The following WTIP variants were observed in gnomAD, a reference collection of about 807,000 sequenced individuals.
WTIP encodes the protein Wilms tumor protein 1-interacting protein.
WTIP carries 23 observed loss-of-function variants against 41.7 expected under a neutral mutation model. The observed-to-expected ratio is 0.55, with a 90% confidence interval of 0.40 to 0.78. The LOEUF is 0.78. WTIP is among the 30% of genes least tolerant of loss of function. The pLI is 0.00. For synonymous variants in WTIP, 314 were observed against 269.9 expected, an observed-to-expected ratio of 1.16 and a Z score of -1.60; for missense variants, 619 against 610.5, an observed-to-expected ratio of 1.01 and a Z score of -0.15.
chr19:34,498,017 A>C (rs1426223826), intron 7 of WTIP, among the ~76,000 whole-genome samples: 1 of 151,684 alleles, frequency 6.6e-6, no homozygotes, highest in East Asian at 1.9e-4. Flanking sequence ...GGGACCCCGC[A>C]CTCCTCCCTG....
chr19:34,495,922 T>C (rs959706575), intron 7 of WTIP, among the ~76,000 whole-genome samples, 151 bp downstream of exon 7: 1 of 152,078 alleles, frequency 6.6e-6, no homozygotes, highest in Non-Finnish European at 1.5e-5. Context: ...TTTGGGAGGC[T>C]GAGGAGGGTG....
rs2075771057 is a variant in WTIP at position 34,482,243 on chromosome 19, G to C, written c.269G>C (p.Arg90Pro). The C allele has an allele frequency of 1.6e-6, 2 of 1,224,190 alleles. No homozygotes were observed. 75.8% of individuals were successfully genotyped at this position (1,224,190 alleles called of 1,614,324 possible). A position where few individuals can be genotyped will look rare whatever the true frequency, so the allele number is the denominator to read the frequency against. The change falls in exon 1 of 8, where the codon CGG (arginine) becomes CCG (proline). Residue 90 changes from arginine (R) to proline (P), a missense_variant. Arg to Pro is a moderately radical substitution (Grantham distance 103). This residue lies in a region of WTIP where 363 missense variants were observed against 309.0 expected (regional missense o/e 1.17). Coordinates refer to ENST00000590071, the MANE Select transcript of WTIP (RefSeq NM_001080436.2). ...ELSAQPAGSP[R>P]ASLAGSDGGG... ...AGCGCGCAGCCTGCGGGCAGCCCAC[G>C]GGCCAGCCTGGCGGGGTCCGACGGC...
In WTIP at chr19:34,482,551, G is replaced by A. The variant is rs942268573; in HGVS notation, c.577G>A (p.Gly193Ser). ...PALPLPPGRE[G>S]GPSAAERRLE... Reference sequence around the variant, plus strand: ...ACTCCCGCTGCCCCCTGGCCGGGAGGGCGGCCCAAGCGCGGCCGAGCGGCG... The same window carrying A: ...ACTCCCGCTGCCCCCTGGCCGGGAGAGCGGCCCAAGCGCGGCCGAGCGGCG... The change falls in exon 1 of 8, where the codon GGC becomes AGC. Residue 193 changes from glycine to serine, a missense_variant. Around this residue, in one of 3 missense-constraint regions of WTIP, gnomAD observed 363 missense variants for 309.0 expected, o/e 1.17. Coordinates refer to ENST00000590071, the MANE Select transcript of WTIP (RefSeq NM_001080436.2). The A allele has an allele frequency of 1.2e-5, 15 of 1,229,864 alleles. No individual in the cohort carries two copies. The highest frequency in any genetic ancestry group is 3.2e-5 in the East Asian group (1 of 31,316). The allele number at this position is 1,229,864 out of a possible 1,614,324, so 76.2% of individuals were successfully genotyped here.
At position 34,493,917 on chromosome 19, in the gene WTIP, C is replaced by G. The variant is rs375890874; in HGVS notation, c.1031+295C>G. Among the ~76,000 whole-genome samples, 1 of 152,156 alleles carries G rather than the reference C, an allele frequency of 6.6e-6. No homozygotes were observed. Among genetic ancestry groups the G allele is most frequent in the Non-Finnish European group, 1.5e-5 (1 of 68,022 alleles). On this transcript the variant is annotated intron_variant, in intron 5 of 7. Coordinates refer to ENST00000590071, the MANE Select transcript of WTIP (RefSeq NM_001080436.2). This position sits in a 1 kb window ranked among gnomAD's most constrained non-coding sequence, Gnocchi z 4.1. ...GTACCCACCATCTTTCCCCCTCCTC[C>G]CCTCCATCCCCTGCCAGGCCAGGCC... is the stretch of plus-strand genomic sequence containing the variant.
At position 34,493,286 on chromosome 19, in the gene WTIP, C is replaced by A. The variant is rs372285304; in HGVS notation, c.861C>A (p.Ala287=). The change falls in exon 4 of 8, where the codon GCC becomes GCA. Residue 287 remains alanine (A), a synonymous_variant. Coordinates refer to ENST00000590071, the MANE Select transcript of WTIP (RefSeq NM_001080436.2). This position sits in a 1 kb window ranked among gnomAD's most constrained non-coding sequence, Gnocchi z 4.1. ...AGTACTCCGGGTTCCAGCAGACGGC[C>A]GACAAATGCAGCGTGTGTGGACATC... The part of the protein sequence containing the change: ...DFLYSGFQQT[A]DKCSVCGHLI... The A allele has an allele frequency of 6.2e-7, 1 of 1,613,428 alleles. No homozygotes were observed. Among genetic ancestry groups the A allele is most frequent in the African/African-American group, 1.3e-5 (1 of 74,912 alleles).
rs1344059777 is a variant in WTIP at position 34,498,816 on chromosome 19, C to T, written c.1153-1313C>T. ...TCGGGAGGCTGAGGCAGGAGAATGG[C>T]GTGAACCCGGGAGGCGGAGCTTGCA... is the stretch of plus-strand genomic sequence containing the variant. On this transcript the variant is annotated intron_variant, in intron 7 of 7. Transcript: ENST00000590071. Among the ~76,000 whole-genome samples, 3 of 152,080 alleles carry T rather than the reference C, an allele frequency of 2.0e-5. No individual in the cohort carries two copies. In the South Asian group the frequency reaches 6.2e-4, roughly 32 times the overall value.
chr19:34,485,469 T>G (rs1344237001), intron 1 of WTIP, among the ~76,000 whole-genome samples: 1 of 152,210 alleles, frequency 6.6e-6, no homozygotes, highest in African/African-American at 2.4e-5. Flanking sequence ...GCTACAAAAG[T>G]GGCAGTTTCA....
intron 1 of WTIP, 26 bp downstream of exon 1, chr19:34,482,667 C>A: frequency 8.2e-7 from 1 of 1,225,588 alleles, no homozygotes; most frequent in South Asian, 4.2e-5. Flanking sequence ...CCGGCAGTTC[C>A]CTGCGCGCAT....
At chr19:34,484,579 G>A (rs185032799) in intron 1 of WTIP, among the ~76,000 whole-genome samples, 1 of 152,262 alleles carries the variant, frequency 6.6e-6, no homozygotes, top group East Asian at 1.9e-4. Context: ...GAGTTTTGAA[G>A]GGCATGCTTT....
In WTIP at chr19:34,493,620, C is replaced by T; in HGVS notation, c.1029C>T (p.His343=). 1 of 1,613,358 alleles carries T rather than the reference C, an allele frequency of 6.2e-7. No homozygotes were observed. Residue 343 remains histidine, a splice_region_variant and synonymous_variant, in exon 5 of 8, where the codon CAC becomes CAT. Transcript: ENST00000590071. The surrounding 1 kb of genome is among the most constrained non-coding windows in gnomAD (Gnocchi z 4.1). ...ACATCTACTGCGTGCGAGACTATCA[C>T]ACGTGAGTTGCTGGTGCTGTGGAGC... ...ENNIYCVRDY[H]TVFAPKCASC...
Position 34,482,658 on chromosome 19 carries a change from C to T in WTIP, c.667+17C>T, listed in dbSNP as rs137959513. 55 of 1,226,716 alleles carry T rather than the reference C, an allele frequency of 4.5e-5. No individual in the cohort carries two copies. The East Asian group carries it at 1.7e-3, about 37-fold the overall frequency. The allele number at this position is 1,226,716 out of a possible 1,614,324, so 76.0% of individuals were successfully genotyped here. A position where few individuals can be genotyped will look rare whatever the true frequency, so the allele number is the denominator to read the frequency against. On this transcript the variant is annotated intron_variant, in intron 1 of 7. Transcript: ENST00000590071. ...ACTACTTCGGTGAGCTCGCTCGGCC[C>T]GGCAGTTCCCTGCGCGCATGGCTGG...
At position 34,482,046 on chromosome 19, in the gene WTIP, GC is replaced by G; in HGVS notation, c.75del (p.Cys27AlafsTer40). 1 of 1,032,362 alleles carries G rather than the reference GC, an allele frequency of 9.7e-7. No homozygotes were observed. The highest frequency in any genetic ancestry group is 1.2e-6 in the Non-Finnish European group (1 of 861,628). The allele number at this position is 1,032,362 out of a possible 1,614,324, so 64.0% of individuals were successfully genotyped here. A position where few individuals can be genotyped will look rare whatever the true frequency, so the allele number is the denominator to read the frequency against. The stretch of plus-strand genomic sequence containing the variant: ...CCGGGCTGGCCCTGCGGGAGCTGGA[GC>G]CCGGGTGCGGCTCTCCCGGTCGGGG... ...LAGLALRELEPGCGSPGRGRR... is the reference protein window; with the variant it reads ...LAGLALRELEXGCGSPGRGRR... On this transcript the variant is annotated frameshift_variant, in exon 1 of 8. Transcript: ENST00000590071. LOFTEE classifies it high-confidence loss of function.
At chr19:34,494,462 G>A in intron 5 of WTIP, 124 bp from the exon 6 acceptor site, 1 of 868,954 alleles carries the variant, frequency 1.2e-6, no homozygotes, top group Non-Finnish European at 1.9e-6. Context: ...CCCGAGGTGT[G>A]CACACAGGGA....
chr19:34,500,460 G>T lies in WTIP; in HGVS notation c.*191G>T. ...CTGTGCCTGCTCAAGTCACTTCCCT[G>T]CGGGCCCTGCCTCCCACCCACCCCA... On this transcript the variant is annotated 3_prime_UTR_variant, in exon 8 of 8. Transcript: ENST00000590071. 1.3e-6 allele frequency: 1 copy of T among 790,404 alleles called. No individual in the cohort carries two copies. 49.0% of individuals were successfully genotyped at this position (790,404 alleles called of 1,614,324 possible).
chr19:34,482,264 A>ACGG lies in WTIP; in HGVS notation c.300_302dup (p.Gly103dup). On this transcript the variant is annotated inframe_insertion, in exon 1 of 8. Coordinates refer to ENST00000590071, the MANE Select transcript of WTIP (RefSeq NM_001080436.2). ...CCACGGGCCAGCCTGGCGGGGTCCG[A>ACGG]CGGCGGCGGCGGTGGCGGCAGCGCC... is the stretch of plus-strand genomic sequence containing the variant. The ACGG allele has an allele frequency of 3.1e-6, 4 of 1,292,440 alleles. No individual in the cohort carries two copies. Among genetic ancestry groups the ACGG allele is most frequent in the Non-Finnish European group, 3.0e-6 (3 of 1,013,200 alleles). The allele number at this position is 1,292,440 out of a possible 1,614,324, so 80.1% of individuals were successfully genotyped here.
At chr19:34,486,508 G>C (rs1024657374) in intron 1 of WTIP, among the ~76,000 whole-genome samples, 9 of 151,740 alleles carry the variant, frequency 5.9e-5, no homozygotes, top group Non-Finnish European at 1.3e-4. Flanking sequence ...GCTGGGATTA[G>C]AGGTGCCCAC....
intron 1 of WTIP, among the ~76,000 whole-genome samples, chr19:34,489,170 A>C (rs1201625713): frequency 8.2e-6 from 1 of 122,310 alleles, no homozygotes; most frequent in South Asian, 2.8e-4. Context: ...CTGCACTCCA[A>C]CCTGGGCGAC....
intron 1 of WTIP, among the ~76,000 whole-genome samples, chr19:34,484,652 G>T (rs1369956257): frequency 1.3e-5 from 2 of 152,176 alleles, no homozygotes; most frequent in African/African-American, 4.8e-5. Context: ...GAGCCCGGGG[G>T]AGGGGGGTGT....
rs2075910452 is a variant in WTIP, at chr19:34,506,160, C to T, written c.*5891C>T. On this transcript the variant is annotated 3_prime_UTR_variant, in exon 8 of 8. Transcript: ENST00000590071. ...TTCTGATGAGAAGTTGGCTGTGTCTCTCACGGAGCCTCTCTCGGAGGTGAT... is the reference window on the plus strand; with the variant it reads ...TTCTGATGAGAAGTTGGCTGTGTCTTTCACGGAGCCTCTCTCGGAGGTGAT... 6.6e-6 allele frequency: 1 copy of T among 152,174 alleles called. No individual in the cohort carries two copies. Among genetic ancestry groups the T allele is most frequent in the African/African-American group, 2.4e-5 (1 of 41,426 alleles). The allele number at this position is 152,174 out of a possible 1,614,324, so 9.4% of individuals were successfully genotyped here.
Sources: allele counts gnomAD v4.1 joint callset (sites outside exome capture counted in the v4.1 genomes callset), GRCh38; gene constraint gnomAD v4.1.1; regional missense constraint gnomAD v4.1.1; non-coding constraint Gnocchi (gnomAD v3.1); transcripts MANE v1.5; gene names NCBI Gene and HGNC (gene_info 2026-07-23, HGNC 2026-07-21).